ATXN3: variants seen among roughly 807,000 people sequenced by gnomAD.
The protein encoded by ATXN3 is ataxin 3, also known as ataxin-3.
A neutral mutation model predicts 58.2 loss-of-function variants in ATXN3; 28 were observed. That is an observed-to-expected ratio of 0.48 (90% CI 0.36 to 0.66). ATXN3 has a LOEUF of 0.66. ATXN3 is among the 30% of genes least tolerant of loss of function. ATXN3 has a pLI of 0.00. For synonymous variants in ATXN3, 113 were observed against 138.5 expected, an observed-to-expected ratio of 0.82 and a Z score of 1.29; for missense variants, 321 against 422.1, an observed-to-expected ratio of 0.76 and a Z score of 2.10.
At chr14:92,074,034 A>G (rs1221397323) in intron 9 of ATXN3, among the ~76,000 whole-genome samples, 5 of 142,246 alleles carry the variant, frequency 3.5e-5, no homozygotes, top group African/African-American at 8.2e-5. Flanking sequence ...AAAAAAAAAA[A>G]GGGAGAAATG....
chr14:92,054,957 C>T (rs1167930502), downstream of ATXN3, among the ~76,000 whole-genome samples: 2 of 152,246 alleles, frequency 1.3e-5, no homozygotes, highest in African/African-American at 4.8e-5. Context: ...TCTCGGCTCA[C>T]TGCAACCTCC....
In ATXN3 at chr14:92,075,702, C is replaced by G. The variant is rs945411179; in HGVS notation, c.873-4649G>C. Among the ~76,000 whole-genome samples, 94 of 152,072 alleles carry G rather than the reference C, an allele frequency of 6.2e-4. 1 individual carries two copies. The highest frequency in any genetic ancestry group is 1.2e-4 in the Non-Finnish European group (8 of 68,038). ...AGCTTGATAACCTTAGACCCAAGCT[C>G]CCAAAGACAGAACCTAGAGAGACAA... is the stretch of plus-strand genomic sequence containing the variant. On this transcript the variant is annotated intron_variant, in intron 9 of 10. Coordinates refer to ENST00000644486, the MANE Select transcript of ATXN3 (RefSeq NM_004993.6).
upstream of ATXN3, among the ~76,000 whole-genome samples, chr14:92,052,408 A>T (rs1224011821): frequency 6.6e-6 from 1 of 152,018 alleles, no homozygotes; most frequent in Admixed American, 6.6e-5. Context: ...GAATCACTTG[A>T]ACCCAGGAGG....
intron 5 of ATXN3, among the ~76,000 whole-genome samples, chr14:92,091,867 A>T (rs199528136): frequency 2.0e-5 from 3 of 146,808 alleles, no homozygotes; most frequent in African/African-American, 5.0e-5. Flanking sequence ...TTTTTCTTTC[A>T]TTTTTTTTTT....
In ATXN3 at chr14:92,096,694, C is replaced by T; in HGVS notation, c.169G>A (p.Asp57Asn). The stretch of plus-strand genomic sequence containing the variant: ...AGTACCTGTAAAAACGTGCGATAAT[C>T]TTCACTAGTAACTCCTCCTTCTGCC... ...RMAEGGVTSE[D>N]YRTFLQQPSG... The change falls in exon 2 of 11, where the codon GAT becomes AAT. Residue 57 changes from aspartate (D) to asparagine (N), a missense_variant. By Grantham distance (23) the Asp-to-Asn change is conservative. This residue lies in a region of ATXN3 where 121 missense variants were observed against 198.9 expected (regional missense o/e 0.61). Coordinates refer to ENST00000644486, the MANE Select transcript of ATXN3 (RefSeq NM_004993.6). The T allele has an allele frequency of 8.1e-6, 13 of 1,609,284 alleles. No homozygotes were observed. Among genetic ancestry groups the T allele is most frequent in the Non-Finnish European group, 1.1e-5 (13 of 1,177,228 alleles).
intron 2 of ATXN3, among the ~76,000 whole-genome samples, chr14:92,047,733 G>C (rs1390677767): frequency 1.1e-4 from 17 of 152,172 alleles, no homozygotes; most frequent in Non-Finnish European, 1.5e-5. Flanking sequence ...GTACATAAAA[G>C]AATGTTGTCC....
At chr14:92,064,496 A>G in intron 10 of ATXN3, 82 bp from the exon 11 acceptor site, 1 of 1,022,954 alleles carries the variant, frequency 9.8e-7, no homozygotes, top group Non-Finnish European at 1.5e-6. Context: ...CAGAAAATGT[A>G]TTTCTATTTG....
At chr14:92,093,675 CT>C (rs1293951131) in intron 4 of ATXN3, 70 bp downstream of exon 4, 14 of 1,179,736 alleles carry the variant, frequency 1.2e-5, no homozygotes, top group Non-Finnish European at 1.7e-5. Context: ...TATTTCTCTT[CT>C]TTAAGAAATT....
In ATXN3 at chr14:92,101,234, G is replaced by C. The variant is rs943701300; in HGVS notation, c.25-4396C>G. On this transcript the variant is annotated intron_variant, in intron 1 of 10. Coordinates refer to ENST00000644486, the MANE Select transcript of ATXN3 (RefSeq NM_004993.6). ...TAATCTCAACTGTTTGAGGGGCTGAGGTGGGAGGATCACTTGAGCCCAGGA... is the reference window on the plus strand; with the variant it reads ...TAATCTCAACTGTTTGAGGGGCTGACGTGGGAGGATCACTTGAGCCCAGGA... Among the ~76,000 whole-genome samples, 12 of 152,172 alleles carry C rather than the reference G, an allele frequency of 7.9e-5. No individual in the cohort carries two copies. In the East Asian group the frequency reaches 2.3e-3, roughly 29 times the overall value.
Position 92,064,430 on chromosome 14 carries a change from A to G in ATXN3, c.992-16T>C. On this transcript the variant is annotated splice_polypyrimidine_tract_variant and intron_variant, in intron 10 of 10. Transcript: ENST00000644486. Reference sequence around the variant, plus strand: ...ATAGCATCACCTGTTGGGAAACAAAACCACATTTCTTTAAAATTTCCAGAA... The same window carrying G: ...ATAGCATCACCTGTTGGGAAACAAAGCCACATTTCTTTAAAATTTCCAGAA... 6.4e-7 allele frequency: 1 copy of G among 1,563,472 alleles called. No individual in the cohort carries two copies. The highest frequency in any genetic ancestry group is 2.3e-5 in the East Asian group (1 of 44,334).
At chr14:92,045,810 A>G (rs1326099068) in intron 2 of ATXN3, among the ~76,000 whole-genome samples, 1 of 152,150 alleles carries the variant, frequency 6.6e-6, no homozygotes, top group Non-Finnish European at 1.5e-5. Flanking sequence ...GAAGAGATTG[A>G]TAGGTGGAAG....
At chr14:92,095,158 T>C (rs1291161049) in intron 3 of ATXN3, among the ~76,000 whole-genome samples, 6 of 151,980 alleles carry the variant, frequency 3.9e-5, no homozygotes, top group Non-Finnish European at 4.4e-5. Context: ...GGTAGGCTGA[T>C]TTAAAAGGAT....
intron 9 of ATXN3, among the ~76,000 whole-genome samples, chr14:92,079,163 G>A (rs1165399577): frequency 3.8e-4 from 50 of 130,642 alleles, no homozygotes; most frequent in African/African-American, 1.3e-3. Context: ...TCCAGCCTGG[G>A]CAACAGAGCA....
intron 10 of ATXN3, among the ~76,000 whole-genome samples, chr14:92,069,449 C>T (rs1193295766): frequency 1.4e-5 from 2 of 147,544 alleles, no homozygotes; most frequent in Non-Finnish European, 3.0e-5. Flanking sequence ...TCTCGGCTCA[C>T]TGCAACCTCT....
chr14:92,078,891 T>C (rs917573710), intron 9 of ATXN3, among the ~76,000 whole-genome samples: 11 of 151,990 alleles, frequency 7.2e-5, no homozygotes, highest in African/African-American at 2.7e-4. Context: ...GGGAGTATTA[T>C]AAAACGAGAT....
In ATXN3 at chr14:92,063,420, CAGA is replaced by C. The variant is rs992115512; in HGVS notation, c.*897_*899del. On this transcript the variant is annotated 3_prime_UTR_variant, in exon 11 of 11. Coordinates refer to ENST00000644486, the MANE Select transcript of ATXN3 (RefSeq NM_004993.6). ...TGGGTACGTATGTTTAGTCTTCTAA[CAGA>C]AGGAGACTTGCCTGCATACTATGCT... 1.3e-5 allele frequency: 2 copies of C among 152,104 alleles called. No homozygotes were observed. The highest frequency in any genetic ancestry group is 4.8e-5 in the African/African-American group (2 of 41,414). The allele number at this position is 152,104 out of a possible 1,614,324, so 9.4% of individuals were successfully genotyped here. A position where few individuals can be genotyped will look rare whatever the true frequency, so the allele number is the denominator to read the frequency against.
chr14:92,072,678 G>A (rs1411639241), intron 9 of ATXN3, among the ~76,000 whole-genome samples: 1 of 120,714 alleles, frequency 8.3e-6, no homozygotes, highest in Non-Finnish European at 1.6e-5. Context: ...GACAATCTCA[G>A]TGAGAAGCTA....
intron 10 of ATXN3, among the ~76,000 whole-genome samples, chr14:92,069,828 A>T (rs2059136732): frequency 6.6e-6 from 1 of 152,022 alleles, no homozygotes. Context: ...TTACATTCCC[A>T]TTAACAGTAT....
intron 5 of ATXN3, 38 bp from the exon 6 acceptor site, chr14:92,088,855 T>C (rs8003041): frequency 0.26 from 313,135 of 1,193,504 alleles, 43,544 homozygotes; most frequent in East Asian, 0.46. Context: ...TAGTGTATAT[T>C]ATAGGTAATA....
Sources: gnomAD v4.1 joint callset for allele counts (sites outside exome capture counted in the v4.1 genomes callset) on GRCh38, gnomAD v4.1.1 for gene constraint, gnomAD v4.1.1 regional missense constraint, MANE v1.5 for transcripts, NCBI Gene and HGNC (gene_info 2026-07-23, HGNC 2026-07-21) for gene names.